Variants in LRP1B observed in about 807,000 individuals in gnomAD.
LRP1B encodes the protein low-density lipoprotein receptor-related protein 1B.
A neutral mutation model predicts 556.6 loss-of-function variants in LRP1B; 217 were observed. The ratio of observed to expected loss-of-function variants is 0.39; its 90% CI spans 0.35 to 0.44. The LOEUF (loss-of-function observed/expected upper bound fraction) is 0.44. Ranked by LOEUF, LRP1B falls within the 20% of genes least tolerant of loss-of-function variation. The pLI is 1.00. For synonymous variants in LRP1B, 2,047 were observed against 1,865.8 expected (o/e 1.10, Z -2.50); for missense variants, 5,053 against 5,620.8 (o/e 0.90, Z 3.23).
chr2:140,640,244 G>A (rs987384837), intron 41 of LRP1B, among the ~76,000 whole-genome samples: 5 of 151,574 alleles, frequency 3.3e-5, no homozygotes, highest in African/African-American at 1.2e-4. Context: ...ACCCGCCTCG[G>A]CCTCTCGAAG....
At chr2:141,680,706 A>G (rs1320435452) in intron 2 of LRP1B, among the ~76,000 whole-genome samples, 3 of 152,182 alleles carry the variant, frequency 2.0e-5, no homozygotes, top group African/African-American at 7.2e-5. Context: ...TAATATTTGC[A>G]GAAAAGAGAC....
rs145209706 is a variant in LRP1B, at chr2:141,269,651, C to T, written c.344-15010G>A. Among the ~76,000 whole-genome samples the T allele has an allele frequency of 1.7e-3, 253 of 152,042 alleles. 1 individual carries two copies. The highest frequency in any genetic ancestry group is 5.6e-3 in the African/African-American group (234 of 41,506). ...CCCAGATAATAAACAATTAAATATG[C>T]AAACAAAAATAAACCCCACTGTGGA... On this transcript the variant is annotated intron_variant, in intron 3 of 90. Coordinates refer to ENST00000389484, the MANE Select transcript of LRP1B (RefSeq NM_018557.3).
intron 3 of LRP1B, among the ~76,000 whole-genome samples, chr2:141,287,943 T>C (rs944703007): frequency 1.3e-5 from 2 of 152,160 alleles, no homozygotes; most frequent in African/African-American, 2.4e-5. Context: ...ACTTTTAAAA[T>C]TCCATCTCAC....
intron 2 of LRP1B, among the ~76,000 whole-genome samples, chr2:141,803,615 A>G (rs1696081003): frequency 6.6e-6 from 1 of 152,106 alleles, no homozygotes; most frequent in South Asian, 2.1e-4. Flanking sequence ...TGACTCTCAT[A>G]TATTAGCTCA....
At chr2:141,168,588 C>T (rs1680365208) in intron 7 of LRP1B, among the ~76,000 whole-genome samples, 1 of 152,016 alleles carries the variant, frequency 6.6e-6, no homozygotes, top group African/African-American at 2.4e-5. Flanking sequence ...AAAATAATTA[C>T]AACAACAGTA....
intron 1 of LRP1B, among the ~76,000 whole-genome samples, chr2:141,945,779 C>CAGTAAT (rs70994469): frequency 0.37 from 56,076 of 151,438 alleles, 11,265 homozygotes; most frequent in Admixed American, 0.49. Context: ...TCATAAATCT[C>CAGTAAT]AGCAAATCAG....
intron 7 of LRP1B, among the ~76,000 whole-genome samples, chr2:141,169,282 T>C (rs1195748420): frequency 2.2e-5 from 3 of 138,608 alleles, no homozygotes; most frequent in African/African-American, 8.1e-5. Flanking sequence ...CAAGACTCTG[T>C]CTCAAAAATA....
chr2:140,576,980 A>G (rs1253124973), intron 43 of LRP1B, among the ~76,000 whole-genome samples: 2 of 151,728 alleles, frequency 1.3e-5, no homozygotes, highest in Non-Finnish European at 2.9e-5. Context: ...TTTTTTTTCA[A>G]TGTAAGAGTT....
chr2:140,432,043 T>G (rs1294131761), intron 66 of LRP1B, among the ~76,000 whole-genome samples: 1 of 152,156 alleles, frequency 6.6e-6, no homozygotes, highest in African/African-American at 2.4e-5. Flanking sequence ...TGACCTGCAC[T>G]TACACATCCA....
rs778749699 is a variant in LRP1B at position 141,015,846 on chromosome 2, C to T, written c.2040G>A (p.Trp680Ter). Residue 680 changes from tryptophan to a stop codon, truncating the protein, a stop_gained, in exon 13 of 91, where the codon TGG becomes TGA. Coordinates refer to ENST00000389484, the MANE Select transcript of LRP1B (RefSeq NM_018557.3). LOFTEE classifies it high-confidence loss of function. ...DDSVGRIEKA[W>*]MDGFNRQIFV... ...AAATCTGCCGATTGAATCCATCCAT[C>T]CAGGCCTTCTCAATCCTTCCCACGC... is the stretch of plus-strand genomic sequence containing the variant. The T allele has an allele frequency of 6.2e-7, 1 of 1,613,660 alleles. No individual in the cohort carries two copies. Among genetic ancestry groups the T allele is most frequent in the Non-Finnish European group, 8.5e-7 (1 of 1,179,770 alleles).
intron 2 of LRP1B, among the ~76,000 whole-genome samples, chr2:141,782,505 T>C (rs16847168): frequency 0.094 from 13,636 of 145,294 alleles, 700 homozygotes; most frequent in African/African-American, 0.11. Flanking sequence ...CTTTGCATGT[T>C]CTATTTTCCT....
chr2:141,380,504 GC>G (rs1203188391), intron 3 of LRP1B, among the ~76,000 whole-genome samples: 1 of 152,138 alleles, frequency 6.6e-6, no homozygotes, highest in Non-Finnish European at 1.5e-5. Flanking sequence ...TCTGCCTCCT[GC>G]CCCCAACTTT....
intron 35 of LRP1B, among the ~76,000 whole-genome samples, chr2:140,755,453 C>T (rs1688712835): frequency 6.6e-6 from 1 of 151,882 alleles, no homozygotes; most frequent in African/African-American, 2.4e-5. Flanking sequence ...AAATATTAAA[C>T]AGAAGTATCA....
chr2:140,918,331 A>G (rs928016819), intron 21 of LRP1B, among the ~76,000 whole-genome samples: 7 of 152,016 alleles, frequency 4.6e-5, no homozygotes, highest in African/African-American at 1.7e-4. Context: ...TGTACATGGA[A>G]GAGTATATAT....
chr2:140,715,416 G>A (rs1003048887), intron 37 of LRP1B, among the ~76,000 whole-genome samples: 1 of 151,926 alleles, frequency 6.6e-6, no homozygotes, highest in Non-Finnish European at 1.5e-5. Context: ...TAACTTGGTG[G>A]CAGATTAAAT....
chr2:141,290,954 G>T (rs1685920797), intron 3 of LRP1B, among the ~76,000 whole-genome samples: 2 of 151,874 alleles, frequency 1.3e-5, no homozygotes, highest in African/African-American at 4.8e-5. Flanking sequence ...CTATTCAAGT[G>T]TATAAGATAT....
intron 1 of LRP1B, among the ~76,000 whole-genome samples, chr2:141,862,890 C>G (rs1698294134): frequency 6.6e-6 from 1 of 152,162 alleles, no homozygotes; most frequent in African/African-American, 2.4e-5. Flanking sequence ...GAAACACAAG[C>G]CTATATATCT....
chr2:141,213,914 A>T (rs1310318548), intron 6 of LRP1B, among the ~76,000 whole-genome samples: 1 of 152,126 alleles, frequency 6.6e-6, no homozygotes, highest in East Asian at 1.9e-4. Context: ...CATATAACCT[A>T]TGCACATCCT....
At chr2:141,827,283 C>A (rs954674652) in intron 1 of LRP1B, among the ~76,000 whole-genome samples, 1 of 152,172 alleles carries the variant, frequency 6.6e-6, no homozygotes, top group Non-Finnish European at 1.5e-5. Flanking sequence ...TTAGAAATAT[C>A]TTTGCCCTTT....
Sources: allele counts gnomAD v4.1 joint callset (sites outside exome capture counted in the v4.1 genomes callset), GRCh38; gene constraint gnomAD v4.1.1; transcripts MANE v1.5; gene names NCBI Gene and HGNC (gene_info 2026-07-23, HGNC 2026-07-21).